MSRA: variants seen among roughly 807,000 people sequenced by gnomAD.
The protein encoded by MSRA is methionine sulfoxide reductase A.
In MSRA, 54 loss-of-function variants were observed where a neutral mutation model predicts 31.3. The ratio of observed to expected loss-of-function variants is 1.73; its 90% confidence interval spans 1.39 to 2.17. The LOEUF is 2.17. MSRA is among the 30% of genes most tolerant of loss of function. MSRA has a pLI of 0.00. For synonymous variants in MSRA, 169 were observed against 116.5 expected, an observed-to-expected ratio of 1.45 and a Z score of -2.90; for missense variants, 507 against 300.9, an observed-to-expected ratio of 1.69 and a Z score of -5.07.
intron 1 of MSRA, among the ~76,000 whole-genome samples, chr8:10,129,600 G>C (rs1801751177): frequency 6.6e-6 from 1 of 152,096 alleles, no homozygotes; most frequent in African/African-American, 2.4e-5. Flanking sequence ...TTCTCATGCA[G>C]GCTTAGAGCA....
At chr8:10,400,855 A>G (rs1425832425) in intron 5 of MSRA, among the ~76,000 whole-genome samples, 1 of 152,230 alleles carries the variant, frequency 6.6e-6, no homozygotes, top group African/African-American at 2.4e-5. Context: ...CTTACCTCAC[A>G]CCATACACAA....
At chr8:10,244,489 C>T (rs1178727393) in intron 2 of MSRA, among the ~76,000 whole-genome samples, 1 of 152,150 alleles carries the variant, frequency 6.6e-6, no homozygotes, top group Admixed American at 6.5e-5. Flanking sequence ...CTCCCTGCCT[C>T]CCTTCCAAAC....
intron 1 of MSRA, among the ~76,000 whole-genome samples, chr8:10,162,868 C>A (rs547117209): frequency 1.3e-5 from 2 of 152,296 alleles, no homozygotes; most frequent in African/African-American, 4.8e-5. Context: ...CTCCCCGCCT[C>A]AGCCACGACA....
At chr8:10,200,716 C>T (rs1032318122) in intron 1 of MSRA, among the ~76,000 whole-genome samples, 2 of 152,118 alleles carry the variant, frequency 1.3e-5, no homozygotes, top group Non-Finnish European at 2.9e-5. Flanking sequence ...GGGGCAAAAC[C>T]CACTCTTGGT....
intron 1 of MSRA, among the ~76,000 whole-genome samples, chr8:10,155,959 T>C (rs2129039466): frequency 6.6e-6 from 1 of 152,324 alleles, no homozygotes; most frequent in Middle Eastern, 3.4e-3. Flanking sequence ...TAGCACAGTA[T>C]TCTCTGTGCT....
chr8:10,214,848 C>G (rs1443811636), intron 2 of MSRA, among the ~76,000 whole-genome samples: 1 of 152,178 alleles, frequency 6.6e-6, no homozygotes, highest in Non-Finnish European at 1.5e-5. Context: ...ATATCTTGTG[C>G]ATGATTTCAA....
chr8:10,269,853 G>A (rs1299299580), intron 3 of MSRA, among the ~76,000 whole-genome samples: 5 of 151,966 alleles, frequency 3.3e-5, no homozygotes, highest in East Asian at 1.9e-4. Context: ...GGGTTTCACC[G>A]TGTTAGCCAG....
At chr8:10,130,626 A>G (rs962762690) in intron 1 of MSRA, among the ~76,000 whole-genome samples, 1 of 152,246 alleles carries the variant, frequency 6.6e-6, no homozygotes, top group Non-Finnish European at 1.5e-5. Context: ...ACACACACAG[A>G]GACCGCACAT....
intron 5 of MSRA, among the ~76,000 whole-genome samples, chr8:10,389,141 C>G (rs899784033): frequency 1.3e-5 from 2 of 152,050 alleles, no homozygotes; most frequent in African/African-American, 4.8e-5. Flanking sequence ...AAACACTCAC[C>G]CACTCCTGGG....
At chr8:10,217,927 C>G (rs1353596282) in intron 2 of MSRA, among the ~76,000 whole-genome samples, 2 of 152,038 alleles carry the variant, frequency 1.3e-5, no homozygotes, top group African/African-American at 2.4e-5. Context: ...CCTTCTTTCT[C>G]TCTTTCCCTT....
At position 10,063,006 on chromosome 8, in the gene MSRA, G is replaced by T. The variant is rs149558247; in HGVS notation, c.142+8348G>T. 2.1e-3 allele frequency among the ~76,000 whole-genome samples: 315 copies of T among 152,204 alleles called. 1 individual carries two copies. The highest frequency in any genetic ancestry group is 7.2e-3 in the African/African-American group (300 of 41,520). On this transcript the variant is annotated intron_variant, in intron 1 of 5. Transcript: ENST00000317173. ...TTCTCTCACGCTTCCAACCACCCTC[G>T]TCTGAAAGCTACATTTCACCTTGTG...
chr8:10,201,192 CT>C (rs1354649438), intron 1 of MSRA, among the ~76,000 whole-genome samples: 1 of 152,152 alleles, frequency 6.6e-6, no homozygotes, highest in Non-Finnish European at 1.5e-5. Flanking sequence ...ACCCTCCTCT[CT>C]GCTGCTCAGT....
intron 1 of MSRA, among the ~76,000 whole-genome samples, chr8:10,057,506 GAATTATTGT>G: frequency 6.6e-6 from 1 of 152,132 alleles, no homozygotes; most frequent in Non-Finnish European, 1.5e-5. Flanking sequence ...TATTTCCGGT[GAATTATTGT>G]AATTATTGTA....
chr8:10,298,799 G>A (rs1800682707), intron 3 of MSRA, among the ~76,000 whole-genome samples: 1 of 152,078 alleles, frequency 6.6e-6, no homozygotes, highest in Non-Finnish European at 1.5e-5. Flanking sequence ...GTTTCCCTTT[G>A]TTTGGCTTGT....
At chr8:10,376,944 G>A (rs1005904003) in intron 5 of MSRA, among the ~76,000 whole-genome samples, 2 of 152,220 alleles carry the variant, frequency 1.3e-5, no homozygotes, top group African/African-American at 2.4e-5. Context: ...TAAAAAGGGT[G>A]TAAGCGGGGA....
chr8:10,373,843 C>T (rs1170323201), intron 5 of MSRA, among the ~76,000 whole-genome samples: 1 of 152,168 alleles, frequency 6.6e-6, no homozygotes, highest in African/African-American at 2.4e-5. Flanking sequence ...CTGGAGGGCT[C>T]TGAGCAGGTG....
intron 1 of MSRA, among the ~76,000 whole-genome samples, chr8:10,082,733 T>C (rs966546885): frequency 2.6e-5 from 4 of 152,130 alleles, no homozygotes; most frequent in African/African-American, 9.7e-5. Context: ...CATTCCGGTG[T>C]GCTGTGACCC....
chr8:10,191,391 T>C (rs926979518), intron 1 of MSRA, among the ~76,000 whole-genome samples: 8 of 152,186 alleles, frequency 5.3e-5, no homozygotes, highest in Non-Finnish European at 1.2e-4. Context: ...CTGGGAATTT[T>C]GGAAAAACAT....
chr8:10,280,000 C>T (rs374383934), intron 3 of MSRA, among the ~76,000 whole-genome samples: 3 of 152,168 alleles, frequency 2.0e-5, no homozygotes, highest in African/African-American at 7.2e-5. Flanking sequence ...ACTTACAATC[C>T]ATTTTCTAAA....
Sources: allele counts gnomAD v4.1 joint callset (sites outside exome capture counted in the v4.1 genomes callset), GRCh38; gene constraint gnomAD v4.1.1; transcripts MANE v1.5; gene names NCBI Gene and HGNC (gene_info 2026-07-23, HGNC 2026-07-21).